Variants in BHLHE40 observed in about 807,000 individuals in gnomAD.
BHLHE40 encodes basic helix-loop-helix family member e40, also known as class E basic helix-loop-helix protein 40.
BHLHE40 carries 3 observed loss-of-function variants against 35.7 expected under a neutral mutation model. The ratio of observed to expected loss-of-function variants is 0.08; its 90% CI spans 0.04 to 0.22. The LOEUF (loss-of-function observed/expected upper bound fraction) is 0.22, where lower values mean the gene tolerates loss of function less well. Among genes scored for constraint, BHLHE40 ranks in the 10% least tolerant of loss-of-function variants. The pLI, the probability that BHLHE40 is intolerant of heterozygous loss-of-function variation, is 1.00. For missense variants in BHLHE40, 486 were observed against 524.0 expected, an observed-to-expected ratio of 0.93 and a Z score of 0.71; for synonymous variants, 236 against 213.0, an observed-to-expected ratio of 1.11 and a Z score of -0.94.
At position 4,980,333 on chromosome 3, in the gene BHLHE40, G is replaced by A. The variant is rs1433193367; in HGVS notation, c.183G>A (p.Glu61=). 1.9e-6 allele frequency: 3 copies of A among 1,614,018 alleles called. No individual in the cohort carries two copies. Among genetic ancestry groups the A allele is most frequent in the African/African-American group, 2.7e-5 (2 of 74,930 alleles). Residue 61 remains glutamate (E), a synonymous_variant, in exon 3 of 5, where the codon GAG becomes GAA. Transcript: ENST00000256495. ...ACAAATTGCCGCACCGGCTCATCGA[G>A]AAAAAGAGACGTGACCGGATTAACG... The part of the protein sequence containing the change: ...ETYKLPHRLI[E]KKRRDRINEC...
At chr3:4,979,881 G>GCA in intron 1 of BHLHE40, 81 bp from the exon 2 acceptor site, 1 of 1,606,418 alleles carries the variant, frequency 6.2e-7, no homozygotes, top group Non-Finnish European at 8.5e-7. Context: ...AGCTCCGGGC[G>GCA]CACCGGGAGG....
intron 3 of BHLHE40, among the ~76,000 whole-genome samples, chr3:4,980,710 C>A (rs148391295): frequency 1.3e-5 from 2 of 152,092 alleles, no homozygotes; most frequent in South Asian, 4.1e-4. Flanking sequence ...AGGAACACGC[C>A]AAGAAACACA....
rs1198270585 is a variant in BHLHE40 at position 4,985,216 on chromosome 3, G to A, written c.*1524G>A. The A allele has an allele frequency of 6.6e-6, 1 of 152,500 alleles. No individual in the cohort carries two copies. Among genetic ancestry groups the A allele is most frequent in the Non-Finnish European group, 1.5e-5 (1 of 68,034 alleles). 9.4% of individuals were successfully genotyped at this position (152,500 alleles called of 1,614,324 possible). ...CTGAGTTTTTTAAAATAGCTCACTT[G>A]GTGTGATATGGCTGACTCCCATGTC... On this transcript the variant is annotated 3_prime_UTR_variant, in exon 5 of 5. Coordinates refer to ENST00000256495, the MANE Select transcript of BHLHE40 (RefSeq NM_003670.3).
chr3:4,980,652 A>G (rs2053185162), intron 3 of BHLHE40, among the ~76,000 whole-genome samples: 1 of 152,136 alleles, frequency 6.6e-6, no homozygotes, highest in East Asian at 1.9e-4. Flanking sequence ...CCTTTTCAGG[A>G]GTTTAACTTC....
At position 4,979,702 on chromosome 3, in the gene BHLHE40, C is replaced by T. The variant is rs768885272; in HGVS notation, c.-17C>T. 1.9e-6 allele frequency: 3 copies of T among 1,551,304 alleles called. No individual in the cohort carries two copies. The highest frequency in any genetic ancestry group is 3.9e-5 in the Admixed American group (2 of 51,122). On this transcript the variant is annotated 5_prime_UTR_variant, in exon 1 of 5. Transcript: ENST00000256495. ...TAGTGCAGACAGGAGCGCGCAGTGG[C>T]CCCGGCTCGCCGCGCCATGGAGCGG...
intron 4 of BHLHE40, among the ~76,000 whole-genome samples, chr3:4,982,441 G>A (rs756962503): frequency 1.3e-5 from 2 of 152,014 alleles, no homozygotes; most frequent in Non-Finnish European, 2.9e-5. Context: ...ATTTTGCCAC[G>A]GTGCAATGTT....
In BHLHE40 at chr3:4,983,707, C is replaced by T. The variant is rs763558739; in HGVS notation, c.*15C>T. 5 of 1,564,070 alleles carry T rather than the reference C, an allele frequency of 3.2e-6. No homozygotes were observed. In the East Asian group the frequency reaches 1.1e-4, roughly 35 times the overall value. On this transcript the variant is annotated 3_prime_UTR_variant, in exon 5 of 5. Coordinates refer to ENST00000256495, the MANE Select transcript of BHLHE40 (RefSeq NM_003670.3). This position sits in a 1 kb window ranked among gnomAD's most constrained non-coding sequence, Gnocchi z 5.0. ...CCAAAGACTAAACTCTCTAGGGGAT[C>T]CTGCTGCTTTGCTTTCCTTCCTCGC... is the stretch of plus-strand genomic sequence containing the variant.
intron 3 of BHLHE40, 34 bp downstream of exon 3, chr3:4,980,442 C>A: frequency 6.3e-7 from 1 of 1,588,014 alleles, no homozygotes; most frequent in South Asian, 1.1e-5. Flanking sequence ...CCAACCCAGT[C>A]CTTTGCCCAG....
In BHLHE40 at chr3:4,981,591, G is replaced by A. The variant is rs1194856519; in HGVS notation, c.382+76G>A. The A allele has an allele frequency of 8.5e-6, 13 of 1,532,410 alleles. 1 individual carries two copies. In the East Asian group the frequency reaches 2.5e-4, roughly 30 times the overall value. The allele number at this position is 1,532,410 out of a possible 1,614,324, so 94.9% of individuals were successfully genotyped here. A position where few individuals can be genotyped will look rare whatever the true frequency, so the allele number is the denominator to read the frequency against. ...AGAGCCCGTGGGCTCAACATCTGATGTAATAAACATTACTGCAACAAATTG... is the reference window on the plus strand; with the variant it reads ...AGAGCCCGTGGGCTCAACATCTGATATAATAAACATTACTGCAACAAATTG... On this transcript the variant is annotated intron_variant, in intron 4 of 4. Coordinates refer to ENST00000256495, the MANE Select transcript of BHLHE40 (RefSeq NM_003670.3).
At chr3:4,980,278 C>T in intron 2 of BHLHE40, 23 bp from the exon 3 acceptor site, 3 of 1,606,494 alleles carry the variant, frequency 1.9e-6, no homozygotes, top group Non-Finnish European at 2.6e-6. Context: ...CAAGCGCCCA[C>T]CGCCTCCCCG....
intron 4 of BHLHE40, among the ~76,000 whole-genome samples, chr3:4,981,832 A>G (rs2053200523): frequency 6.6e-6 from 1 of 152,198 alleles, no homozygotes; most frequent in African/African-American, 2.4e-5. Flanking sequence ...TGGGTGTTTT[A>G]CAGTTGGTCT....
At position 4,984,130 on chromosome 3, in the gene BHLHE40, C is replaced by T. The variant is rs2053226896; in HGVS notation, c.*438C>T. The T allele has an allele frequency of 6.3e-6, 1 of 158,304 alleles. No homozygotes were observed. Among genetic ancestry groups the T allele is most frequent in the South Asian group, 1.9e-4 (1 of 5,366 alleles). 9.8% of individuals were successfully genotyped at this position (158,304 alleles called of 1,614,324 possible). ...AAGGTACTTTCAAAAGAGGGCTTTC[C>T]AGGGCTCAGCTCCCAACCAGCTGTT... On this transcript the variant is annotated 3_prime_UTR_variant, in exon 5 of 5. Transcript: ENST00000256495.
Position 4,979,613 on chromosome 3 carries a change from G to A in BHLHE40, c.-106G>A. 8.5e-7 allele frequency: 1 copy of A among 1,180,774 alleles called. No individual in the cohort carries two copies. Among genetic ancestry groups the A allele is most frequent in the Non-Finnish European group, 1.2e-6 (1 of 832,770 alleles). The allele number at this position is 1,180,774 out of a possible 1,614,324, so 73.1% of individuals were successfully genotyped here. On this transcript the variant is annotated 5_prime_UTR_variant, in exon 1 of 5. Transcript: ENST00000256495. Reference sequence around the variant, plus strand: ...GGGGATTTCAAAGAGCTCAGACTCAGAGGAACATCTGCGGAGAGACCCCCG... The same window carrying A: ...GGGGATTTCAAAGAGCTCAGACTCAAAGGAACATCTGCGGAGAGACCCCCG...
At chr3:4,981,831 T>C (rs139853186) in intron 4 of BHLHE40, among the ~76,000 whole-genome samples, 49 of 152,366 alleles carry the variant, frequency 3.2e-4, no homozygotes, top group African/African-American at 1.2e-3. Context: ...GTGGGTGTTT[T>C]ACAGTTGGTC....
At position 4,979,714 on chromosome 3, in the gene BHLHE40, G is replaced by A. The variant is rs147293605; in HGVS notation, c.-5G>A. 89 of 1,554,758 alleles carry A rather than the reference G, an allele frequency of 5.7e-5. No individual in the cohort carries two copies. Among genetic ancestry groups the A allele is most frequent in the Non-Finnish European group, 7.6e-5 (87 of 1,149,514 alleles). On this transcript the variant is annotated 5_prime_UTR_variant, in exon 1 of 5. Coordinates refer to ENST00000256495, the MANE Select transcript of BHLHE40 (RefSeq NM_003670.3). ...GAGCGCGCAGTGGCCCCGGCTCGCCGCGCCATGGAGCGGATCCCCAGCGCG... is the reference window on the plus strand; with the variant it reads ...GAGCGCGCAGTGGCCCCGGCTCGCCACGCCATGGAGCGGATCCCCAGCGCG...
intron 2 of BHLHE40, 49 bp from the exon 3 acceptor site, chr3:4,980,252 T>G (rs754217020): frequency 4.7e-6 from 7 of 1,496,208 alleles, no homozygotes; most frequent in African/African-American, 2.8e-5. Flanking sequence ...GAGGATAGGC[T>G]TCTCATCTCC....
At chr3:4,981,888 C>T (rs528758256) in intron 4 of BHLHE40, among the ~76,000 whole-genome samples, 7 of 152,188 alleles carry the variant, frequency 4.6e-5, no homozygotes, top group Admixed American at 2.0e-4. Flanking sequence ...TATGCCCCAG[C>T]GTTTTCCTGT....
At chr3:4,982,790 C>T (rs2053208951) in intron 4 of BHLHE40, 46 bp from the exon 5 acceptor site, 1 of 1,611,320 alleles carries the variant, frequency 6.2e-7, no homozygotes, top group South Asian at 1.1e-5. Context: ...TCCAGGTGCG[C>T]CACAGGCCTT....
chr3:4,985,159 A>G lies in BHLHE40; in HGVS notation c.*1467A>G, dbSNP rs114892045. ...TTGTTTTAAAATACTTAATAAAATA[A>G]TTCTTTTCCTGTGGAAGAGAAAGAT... On this transcript the variant is annotated 3_prime_UTR_variant, in exon 5 of 5. Transcript: ENST00000256495. 2.0e-3 allele frequency: 302 copies of G among 152,748 alleles called. 1 individual carries two copies. The highest frequency in any genetic ancestry group is 7.0e-3 in the African/African-American group (293 of 41,586). The allele number at this position is 152,748 out of a possible 1,614,324, so 9.5% of individuals were successfully genotyped here.
Sources: gnomAD v4.1 joint callset for allele counts (sites outside exome capture counted in the v4.1 genomes callset) on GRCh38, gnomAD v4.1.1 for gene constraint, Gnocchi (gnomAD v3.1) non-coding constraint, MANE v1.5 for transcripts, NCBI Gene and HGNC (gene_info 2026-07-23, HGNC 2026-07-21) for gene names.